Variants in TNS3 observed in about 807,000 individuals in gnomAD.
TNS3 encodes the protein tensin-3.
TNS3 carries 45 observed loss-of-function variants against 140.9 expected under a neutral mutation model. The observed-to-expected ratio is 0.32, with a 90% CI of 0.25 to 0.41. The LOEUF is 0.41. Among genes scored for constraint, TNS3 ranks in the 10% least tolerant of loss-of-function variants. The probability of loss-of-function intolerance (pLI) is 1.00; values close to 1 mark genes in which losing one functional copy is unlikely to be tolerated. For missense variants in TNS3, 1,716 were observed against 1,906.7 expected (o/e 0.90, Z 1.86); for synonymous variants, 815 against 788.4 (o/e 1.03, Z -0.56).
chr7:47,373,890 C>A (rs115415598), intron 16 of TNS3, among the ~76,000 whole-genome samples: 2,103 of 152,248 alleles, frequency 0.014, 46 homozygotes, highest in African/African-American at 0.048. Context: ...AATCACCAAC[C>A]AAAACCAAAC....
chr7:47,522,524 G>A (rs1161983794), intron 2 of TNS3, among the ~76,000 whole-genome samples: 2 of 152,206 alleles, frequency 1.3e-5, no homozygotes, highest in Admixed American at 1.3e-4. Context: ...GAGCATCCCT[G>A]AACACCTCCT....
At chr7:47,433,851 A>C (rs1224024758) in intron 8 of TNS3, among the ~76,000 whole-genome samples, 1 of 151,530 alleles carries the variant, frequency 6.6e-6, no homozygotes, top group Non-Finnish European at 1.5e-5. Flanking sequence ...TTAATTAACA[A>C]GAATTATATT....
intron 30 of TNS3, 53 bp downstream of exon 30, chr7:47,280,111 T>C (rs1394740951): frequency 1.2e-6 from 2 of 1,606,860 alleles, no homozygotes; most frequent in African/African-American, 2.7e-5. Flanking sequence ...GAATTCAACT[T>C]TGGAGTACAA....
chr7:47,514,506 C>T (rs1427487747), intron 2 of TNS3, among the ~76,000 whole-genome samples: 4 of 152,320 alleles, frequency 2.6e-5, no homozygotes, highest in African/African-American at 9.6e-5. Flanking sequence ...ATTACCAAAT[C>T]TTTCTTACAA....
intron 13 of TNS3, among the ~76,000 whole-genome samples, chr7:47,403,070 G>A (rs1240433033): frequency 6.6e-6 from 1 of 152,108 alleles, no homozygotes; most frequent in Non-Finnish European, 1.5e-5. Flanking sequence ...GGGGCACAGT[G>A]GAATATCCCC....
chr7:47,408,369 T>C (rs1793562978), intron 13 of TNS3, among the ~76,000 whole-genome samples: 1 of 151,988 alleles, frequency 6.6e-6, no homozygotes, highest in Non-Finnish European at 1.5e-5. Flanking sequence ...CAGAGATGCA[T>C]GTAATGTCTA....
intron 13 of TNS3, among the ~76,000 whole-genome samples, chr7:47,411,423 G>T (rs933363810): frequency 6.6e-6 from 1 of 152,000 alleles, no homozygotes; most frequent in African/African-American, 2.4e-5. Flanking sequence ...TAGATCGCTC[G>T]CATACACAGT....
At position 47,369,197 on chromosome 7, in the gene TNS3, G is replaced by A; in HGVS notation, c.1449C>T (p.Pro483=). The part of the protein sequence containing the change: ...RETDILDDEM[P]HHDLHSVDSL... Reference sequence around the variant, plus strand: ...TGTCCACACTGTGCAGGTCGTGGTGGGGCATCTCGTCATCCAGAATGTCTG... The same window carrying A: ...TGTCCACACTGTGCAGGTCGTGGTGAGGCATCTCGTCATCCAGAATGTCTG... Residue 483 remains proline, a synonymous_variant, in exon 17 of 31, where the codon CCC becomes CCT. Coordinates refer to ENST00000311160, the MANE Select transcript of TNS3 (RefSeq NM_022748.12). 1 of 1,614,088 alleles carries A rather than the reference G, an allele frequency of 6.2e-7. No homozygotes were observed. The highest frequency in any genetic ancestry group is 8.5e-7 in the Non-Finnish European group (1 of 1,179,992).
chr7:47,501,530 G>A (rs1798227081), intron 3 of TNS3, among the ~76,000 whole-genome samples: 1 of 152,146 alleles, frequency 6.6e-6, no homozygotes, highest in Non-Finnish European at 1.5e-5. Flanking sequence ...GCTGGAGAGT[G>A]GAGGCTCTGG....
At chr7:47,370,421 T>C (rs1243241659) in intron 16 of TNS3, among the ~76,000 whole-genome samples, 1 of 152,238 alleles carries the variant, frequency 6.6e-6, no homozygotes, top group African/African-American at 2.4e-5. Context: ...GGTGAATGTC[T>C]CAGGATCACA....
At chr7:47,560,586 C>T (rs1800301992) in intron 1 of TNS3, among the ~76,000 whole-genome samples, 1 of 152,206 alleles carries the variant, frequency 6.6e-6, no homozygotes, top group Admixed American at 6.5e-5. Flanking sequence ...GCAACCAGTC[C>T]TTGGCCGACT....
At chr7:47,387,498 GCAGGC>G (rs1258067935) in intron 16 of TNS3, among the ~76,000 whole-genome samples, 3 of 152,228 alleles carry the variant, frequency 2.0e-5, no homozygotes, top group Non-Finnish European at 4.4e-5. Flanking sequence ...GGCCAGAGAT[GCAGGC>G]CATGAGGGTG....
chr7:47,412,038 G>C (rs375787200), intron 12 of TNS3, among the ~76,000 whole-genome samples: 18 of 152,210 alleles, frequency 1.2e-4, no homozygotes, highest in East Asian at 5.8e-4. Flanking sequence ...AGTGACTAAG[G>C]TCCAACTCCA....
At chr7:47,361,060 C>G (rs1027206654) in intron 17 of TNS3, among the ~76,000 whole-genome samples, 1 of 151,898 alleles carries the variant, frequency 6.6e-6, no homozygotes, top group Admixed American at 6.6e-5. Context: ...GAGATTCTTC[C>G]TCTGCAGAGT....
chr7:47,427,133 A>G (rs960758491), intron 9 of TNS3, among the ~76,000 whole-genome samples: 1 of 151,552 alleles, frequency 6.6e-6, no homozygotes, highest in African/African-American at 2.4e-5. Flanking sequence ...CAAAAAAAAA[A>G]AAAAAAAAAA....
intron 7 of TNS3, among the ~76,000 whole-genome samples, chr7:47,435,669 T>A (rs538312716): frequency 6.6e-6 from 1 of 152,180 alleles, no homozygotes; most frequent in Admixed American, 6.5e-5. Flanking sequence ...AGAAAGGTCT[T>A]TGAGTTGCTG....
At chr7:47,386,586 C>T (rs926988692) in intron 16 of TNS3, among the ~76,000 whole-genome samples, 5 of 152,224 alleles carry the variant, frequency 3.3e-5, no homozygotes, top group Non-Finnish European at 7.3e-5. Context: ...CAGGTCTCCC[C>T]GACAGACAGC....
At chr7:47,336,819 C>T (rs946876670) in intron 20 of TNS3, among the ~76,000 whole-genome samples, 3 of 152,190 alleles carry the variant, frequency 2.0e-5, no homozygotes, top group African/African-American at 7.2e-5. Context: ...CACAGAGAAG[C>T]GTGCGGGCTG....
chr7:47,530,838 A>AAAAAAAATAT, intron 1 of TNS3, among the ~76,000 whole-genome samples: 61 of 54,552 alleles, frequency 1.1e-3, no homozygotes, highest in African/African-American at 4.7e-3. Context: ...AAAAAAAAAA[A>AAAAAAAATAT]ATATATATAT....
Sources: allele counts gnomAD v4.1 joint callset (sites outside exome capture counted in the v4.1 genomes callset), GRCh38; gene constraint gnomAD v4.1.1; transcripts MANE v1.5; gene names NCBI Gene and HGNC (gene_info 2026-07-23, HGNC 2026-07-21).